The following WWOX variants were observed in gnomAD, a reference collection of about 807,000 sequenced individuals.
WWOX encodes WW domain containing oxidoreductase, also known as WW domain-containing oxidoreductase.
A neutral mutation model predicts 46.2 loss-of-function variants in WWOX; 69 were observed. That is an observed-to-expected ratio of 1.49 (90% CI 1.23 to 1.82). The LOEUF is 1.82. Among genes scored for constraint, WWOX ranks in the 40% most tolerant of loss-of-function variants. The pLI is 0.00. For missense variants in WWOX, 919 were observed against 542.6 expected (o/e 1.69, Z -6.89); for synonymous variants, 359 against 202.6 (o/e 1.77, Z -6.56).
intron 8 of WWOX, among the ~76,000 whole-genome samples, chr16:79,098,024 A>G (rs1487012168): frequency 1.3e-5 from 2 of 152,168 alleles, no homozygotes; most frequent in African/African-American, 2.4e-5. Flanking sequence ...TATGTCTGGA[A>G]CATTGCCTGT....
At chr16:78,822,342 A>T (rs371783893) in intron 8 of WWOX, among the ~76,000 whole-genome samples, 2 of 151,930 alleles carry the variant, frequency 1.3e-5, no homozygotes, top group East Asian at 3.9e-4. Flanking sequence ...AAAAACACAA[A>T]AATTAGCCAG....
chr16:78,746,035 A>G (rs935377528), intron 8 of WWOX, among the ~76,000 whole-genome samples: 4 of 152,012 alleles, frequency 2.6e-5, no homozygotes, highest in Non-Finnish European at 5.9e-5. Context: ...CCACAAGGAG[A>G]GGTGGAGGGG....
At chr16:78,130,081 A>T (rs2033528462) in intron 4 of WWOX, 1 of 152,110 alleles carries the variant, frequency 6.6e-6, no homozygotes, top group Admixed American at 6.6e-5. Flanking sequence ...GTGAAGAAGG[A>T]CGTGTTTGCT....
intron 8 of WWOX, among the ~76,000 whole-genome samples, chr16:79,030,512 GCACTGA>G (rs1242567379): frequency 2.6e-5 from 4 of 152,302 alleles, no homozygotes; most frequent in Non-Finnish European, 5.9e-5. Context: ...TGCCACAGAG[GCACTGA>G]CACCAGACCA....
At chr16:78,391,588 A>G (rs1274623973) in intron 6 of WWOX, among the ~76,000 whole-genome samples, 6 of 152,174 alleles carry the variant, frequency 3.9e-5, no homozygotes, top group African/African-American at 1.4e-4. Context: ...TGGCTCACAC[A>G]TGTAATCCCA....
chr16:78,379,204 A>T (rs971852491), intron 5 of WWOX, among the ~76,000 whole-genome samples: 5 of 151,546 alleles, frequency 3.3e-5, no homozygotes, highest in Non-Finnish European at 7.4e-5. Context: ...CATGCAAATT[A>T]GAGCTTTTTA....
chr16:78,348,539 C>T (rs923083663), intron 5 of WWOX, among the ~76,000 whole-genome samples: 2 of 120,972 alleles, frequency 1.7e-5, no homozygotes, highest in African/African-American at 5.6e-5. Flanking sequence ...CTCACTGTAG[C>T]TTTTGCCTCT....
At chr16:78,446,241 C>G (rs995412968) in intron 8 of WWOX, among the ~76,000 whole-genome samples, 8 of 152,098 alleles carry the variant, frequency 5.3e-5, no homozygotes, top group Admixed American at 4.6e-4. Flanking sequence ...TATTTTGTAA[C>G]CTGTGACGCT....
intron 8 of WWOX, among the ~76,000 whole-genome samples, chr16:78,548,833 G>A (rs962994051): frequency 4.6e-5 from 7 of 152,092 alleles, no homozygotes; most frequent in East Asian, 3.9e-4. Flanking sequence ...GCTGCAGCCC[G>A]TTAACTGGTC....
At chr16:78,395,614 G>C (rs2082266749) in intron 6 of WWOX, among the ~76,000 whole-genome samples, 2 of 152,132 alleles carry the variant, frequency 1.3e-5, no homozygotes, top group Admixed American at 1.3e-4. Flanking sequence ...ACAACCAAGA[G>C]AAGAAGGGAA....
intron 8 of WWOX, among the ~76,000 whole-genome samples, chr16:79,106,423 C>T (rs1345140275): frequency 2.0e-5 from 3 of 152,076 alleles, no homozygotes; most frequent in African/African-American, 7.2e-5. Flanking sequence ...ATTCTACTGA[C>T]TTAATCAAGA....
chr16:78,472,579 C>A (rs9921568), intron 8 of WWOX, among the ~76,000 whole-genome samples: 27,381 of 151,796 alleles, frequency 0.18, 2,799 homozygotes, highest in African/African-American at 0.27. Context: ...AAGGCCAAGG[C>A]GGGTGGATCA....
chr16:78,584,325 A>G (rs1413862795), intron 8 of WWOX, among the ~76,000 whole-genome samples: 1 of 152,232 alleles, frequency 6.6e-6, no homozygotes. Flanking sequence ...ATTGGCCAAG[A>G]TGAAGGTGTT....
intron 8 of WWOX, among the ~76,000 whole-genome samples, chr16:78,814,256 T>G (rs1449774814): frequency 6.6e-6 from 1 of 152,214 alleles, no homozygotes; most frequent in Non-Finnish European, 1.5e-5. Context: ...TTTTTCATCT[T>G]TCTGGAATTT....
intron 5 of WWOX, among the ~76,000 whole-genome samples, chr16:78,257,215 A>G (rs552202215): frequency 6.6e-6 from 1 of 152,174 alleles, no homozygotes; most frequent in East Asian, 1.9e-4. Context: ...TCTAGTAAAC[A>G]TTTGGAAAGT....
At chr16:79,204,211 A>C (rs1204552703) in intron 8 of WWOX, 2 of 152,298 alleles carry the variant, frequency 1.3e-5, no homozygotes, top group Non-Finnish European at 1.5e-5. Context: ...CCCAGGCAGC[A>C]TCAGAGGGAA....
intron 5 of WWOX, among the ~76,000 whole-genome samples, chr16:78,359,855 A>G (rs905590485): frequency 1.3e-5 from 2 of 152,168 alleles, no homozygotes; most frequent in African/African-American, 4.8e-5. Flanking sequence ...TATGGACTTA[A>G]TTTTGTTTTG....
chr16:79,095,511 T>C (rs368883888), intron 8 of WWOX, among the ~76,000 whole-genome samples: 32 of 152,190 alleles, frequency 2.1e-4, no homozygotes, highest in Non-Finnish European at 4.3e-4. Flanking sequence ...TCAGTCAGAA[T>C]GTCCTCTTCA....
rs898836340 is a variant in WWOX, at chr16:78,949,685, G to C, written c.1057-261923G>C. ...CTGGACAAAGCCTTGAGGTATACGTGTGGCTTCTTTTGAGCATCGTGCCAT... is the reference window on the plus strand; with the variant it reads ...CTGGACAAAGCCTTGAGGTATACGTCTGGCTTCTTTTGAGCATCGTGCCAT... On this transcript the variant is annotated intron_variant, in intron 8 of 8. Transcript: ENST00000566780. Among the ~76,000 whole-genome samples the C allele has an allele frequency of 5.3e-5, 8 of 152,332 alleles. No homozygotes were observed. In the East Asian group the frequency reaches 7.7e-4, roughly 15 times the overall value.
Sources: allele counts gnomAD v4.1 joint callset (sites outside exome capture counted in the v4.1 genomes callset), GRCh38; gene constraint gnomAD v4.1.1; transcripts MANE v1.5; gene names NCBI Gene and HGNC (gene_info 2026-07-23, HGNC 2026-07-21).